PPP1R16B: variants seen among roughly 807,000 people sequenced by gnomAD.
The protein encoded by PPP1R16B is protein phosphatase 1 regulatory subunit 16B, also known as protein phosphatase 1 regulatory inhibitor subunit 16B.
A neutral mutation model predicts 61.7 loss-of-function variants in PPP1R16B; 14 were observed. The observed-to-expected ratio is 0.23, with a 90% CI of 0.15 to 0.35. The LOEUF (loss-of-function observed/expected upper bound fraction) is 0.35. Ranked by LOEUF, PPP1R16B falls within the 10% of genes least tolerant of loss-of-function variation. The pLI is 1.00. For missense variants in PPP1R16B, 547 were observed against 752.5 expected (o/e 0.73, Z 3.19); for synonymous variants, 266 against 305.3 (o/e 0.87, Z 1.34).
At chr20:38,862,294 C>A (rs1423774004) in intron 2 of PPP1R16B, among the ~76,000 whole-genome samples, 1 of 152,178 alleles carries the variant, frequency 6.6e-6, no homozygotes, top group Non-Finnish European at 1.5e-5. Context: ...TTGAACTGGG[C>A]TGGGTGCCGT....
At chr20:38,903,619 TTCCATCCA>T (rs1021697488) in intron 6 of PPP1R16B, among the ~76,000 whole-genome samples, 11 of 147,426 alleles carry the variant, frequency 7.5e-5, no homozygotes, top group Non-Finnish European at 1.4e-4. Flanking sequence ...CCATCCATCA[TTCCATCCA>T]TCCATCCAGC....
At chr20:38,834,737 T>C (rs1230280790) in intron 1 of PPP1R16B, among the ~76,000 whole-genome samples, 1 of 152,162 alleles carries the variant, frequency 6.6e-6, no homozygotes, top group Non-Finnish European at 1.5e-5. Context: ...ATAGCATTAA[T>C]TCCTTTAAGA....
rs1159422452 is a variant in PPP1R16B at position 38,806,206 on chromosome 20, C to G, written c.-102+414C>G. Among the ~76,000 whole-genome samples the G allele has an allele frequency of 6.6e-6, 1 of 152,098 alleles. No homozygotes were observed. The highest frequency in any genetic ancestry group is 1.5e-5 in the Non-Finnish European group (1 of 67,984). ...AGCCACAGCGGACACCAAACAACCCCCCCCCGCGCACTCTCCCGGCCGGGC... is the reference window on the plus strand; with the variant it reads ...AGCCACAGCGGACACCAAACAACCCGCCCCCGCGCACTCTCCCGGCCGGGC... On this transcript the variant is annotated intron_variant, in intron 1 of 10. Coordinates refer to ENST00000299824, the MANE Select transcript of PPP1R16B (RefSeq NM_015568.4). This position sits in a 1 kb window ranked among gnomAD's most constrained non-coding sequence, Gnocchi z 4.5.
At chr20:38,848,094 G>A (rs1354913175) in intron 2 of PPP1R16B, among the ~76,000 whole-genome samples, 1 of 152,128 alleles carries the variant, frequency 6.6e-6, no homozygotes, top group Non-Finnish European at 1.5e-5. Flanking sequence ...CATTACAATG[G>A]CAGAGTTGAG....
chr20:38,884,545 T>G (rs574886927), intron 2 of PPP1R16B, among the ~76,000 whole-genome samples: 1 of 152,308 alleles, frequency 6.6e-6, no homozygotes, highest in Admixed American at 6.5e-5. Context: ...CAATAAAACT[T>G]TATTTGCAGA....
At chr20:38,825,002 A>G (rs1213115461) in intron 1 of PPP1R16B, among the ~76,000 whole-genome samples, 1 of 152,264 alleles carries the variant, frequency 6.6e-6, no homozygotes, top group Admixed American at 6.5e-5. Flanking sequence ...TCCAAAAAAA[A>G]TTCTATACCA....
Position 38,907,322 on chromosome 20 carries a change from G to A in PPP1R16B, c.898+268G>A, listed in dbSNP as rs986236001. ...GGATGGGTGGGTGGGTGGATGGATG[G>A]ATGGATGGATGGATGGATGGATGGA... On this transcript the variant is annotated intron_variant, in intron 8 of 10. Coordinates refer to ENST00000299824, the MANE Select transcript of PPP1R16B (RefSeq NM_015568.4). This position sits in a 1 kb window ranked among gnomAD's most constrained non-coding sequence, Gnocchi z 4.5. Among the ~76,000 whole-genome samples the A allele has an allele frequency of 1.2e-4, 18 of 145,798 alleles. No homozygotes were observed. Among genetic ancestry groups the A allele is most frequent in the African/African-American group, 4.2e-4 (15 of 35,576 alleles).
intron 2 of PPP1R16B, among the ~76,000 whole-genome samples, chr20:38,838,697 G>A (rs958982378): frequency 1.3e-5 from 2 of 152,178 alleles, no homozygotes; most frequent in African/African-American, 4.8e-5. Flanking sequence ...CCTCGTTATT[G>A]ACTGCCTTCT....
chr20:38,874,984 G>A (rs1179321669), intron 2 of PPP1R16B, among the ~76,000 whole-genome samples: 1 of 152,208 alleles, frequency 6.6e-6, no homozygotes, highest in East Asian at 1.9e-4. Context: ...AACAGCAAGT[G>A]CTCAGTAAAC....
At chr20:38,903,571 G>A (rs12624594) in intron 6 of PPP1R16B, among the ~76,000 whole-genome samples, 52,073 of 113,548 alleles carry the variant, frequency 0.46, 9,482 homozygotes, top group East Asian at 0.59. Context: ...CCATCCGTCC[G>A]TCCGTCCGTC....
intron 2 of PPP1R16B, chr20:38,872,790 C>T (rs6065097): frequency 0.071 from 10,822 of 153,196 alleles, 453 homozygotes; most frequent in African/African-American, 0.11. Context: ...GGCGCATGCC[C>T]GTAGTCCCAG....
chr20:38,893,056 C>T (rs1406915360), intron 3 of PPP1R16B, among the ~76,000 whole-genome samples: 1 of 152,146 alleles, frequency 6.6e-6, no homozygotes, highest in African/African-American at 2.4e-5. Context: ...TTCCTTGAGC[C>T]AGTTTCCCCA....
intron 2 of PPP1R16B, among the ~76,000 whole-genome samples, chr20:38,843,376 G>A (rs1320191542): frequency 1.3e-5 from 2 of 152,230 alleles, no homozygotes; most frequent in Admixed American, 6.5e-5. Context: ...TATCTCATAA[G>A]GTTGCAGTCA....
At chr20:38,888,241 A>C (rs866064107) in intron 2 of PPP1R16B, among the ~76,000 whole-genome samples, 14 of 152,152 alleles carry the variant, frequency 9.2e-5, no homozygotes, top group South Asian at 6.2e-4. Flanking sequence ...GGGTGGGAGG[A>C]GGCTCAGAGG....
At chr20:38,849,105 G>T (rs1368951740) in intron 2 of PPP1R16B, among the ~76,000 whole-genome samples, 2 of 151,986 alleles carry the variant, frequency 1.3e-5, no homozygotes, top group African/African-American at 4.8e-5. Context: ...AGGGTTTTTT[G>T]TTTGTTTGTT....
At chr20:38,862,582 T>A (rs969066656) in intron 2 of PPP1R16B, among the ~76,000 whole-genome samples, 4 of 152,222 alleles carry the variant, frequency 2.6e-5, no homozygotes, top group Admixed American at 2.6e-4. Context: ...AAAATCACTG[T>A]CTGACCCTTT....
At chr20:38,862,453 A>G (rs1601265963) in intron 2 of PPP1R16B, among the ~76,000 whole-genome samples, 1 of 152,216 alleles carries the variant, frequency 6.6e-6, no homozygotes, top group Admixed American at 6.5e-5. Flanking sequence ...TCAATATCAC[A>G]TGAATGCCCC....
chr20:38,840,245 C>T (rs1297201382), intron 2 of PPP1R16B, among the ~76,000 whole-genome samples: 1 of 152,182 alleles, frequency 6.6e-6, no homozygotes, highest in East Asian at 1.9e-4. Context: ...GGTGTTAGCT[C>T]ACAGTGGCGT....
rs533016087 is a variant in PPP1R16B, at chr20:38,883,600, G to C, written c.251-5995G>C. Among the ~76,000 whole-genome samples the C allele has an allele frequency of 6.6e-5, 10 of 152,288 alleles. No individual in the cohort carries two copies. The South Asian group carries it at 1.5e-3, about 22-fold the overall frequency. ...TCTCAGTAGGGCCCTGCCTGTGTAG[G>C]GGGTGGCGGGGCACCGACTGTGGCC... On this transcript the variant is annotated intron_variant, in intron 2 of 10. Transcript: ENST00000299824.
Sources: gnomAD v4.1 joint callset for allele counts (sites outside exome capture counted in the v4.1 genomes callset) on GRCh38, gnomAD v4.1.1 for gene constraint, Gnocchi (gnomAD v3.1) non-coding constraint, MANE v1.5 for transcripts, NCBI Gene and HGNC (gene_info 2026-07-23, HGNC 2026-07-21) for gene names.